PHB1: variants seen among roughly 807,000 people sequenced by gnomAD.
The protein encoded by PHB1 is epididymis luminal protein 215.
At chr17:49,411,611 G>T in the PHB1 span, 1 of 1,410,362 alleles carries the variant, frequency 7.1e-7, no homozygotes, top group Non-Finnish European at 9.9e-7. Flanking sequence ...AGATGCTCCT[G>T]TGACACAGAA....
chr17:49,406,827 T>C, the PHB1 span: 8 of 1,613,838 alleles, frequency 5.0e-6, no homozygotes, highest in Non-Finnish European at 6.8e-6. Flanking sequence ...ACCGCTTCTG[T>C]GAACTCCTTC....
At chr17:49,412,978 TC>T in the PHB1 span, 1 of 535,710 alleles carries the variant, frequency 1.9e-6, no homozygotes, top group Non-Finnish European at 3.4e-6. Context: ...GAATACAGGC[TC>T]TGAGAGAACC....
At chr17:49,406,691 G>T in the PHB1 span, 1 of 1,116,264 alleles carries the variant, frequency 9.0e-7, no homozygotes, top group Non-Finnish European at 1.4e-6. Context: ...AGGCCACCCA[G>T]CAAATGGGGA....
the PHB1 span, chr17:49,412,127 ACT>A: frequency 1.6e-5 from 5 of 306,484 alleles, no homozygotes; most frequent in African/African-American, 1.1e-4. Context: ...CTATCCCTGA[ACT>A]CCCACCAACA....
chr17:49,407,098 G>A, the PHB1 span: 2 of 497,194 alleles, frequency 4.0e-6, no homozygotes, highest in Non-Finnish European at 7.3e-6. Flanking sequence ...ACCTCATGTA[G>A]CAAATGGCAC....
chr17:49,404,824 T>C, the PHB1 span: 229 of 607,866 alleles, frequency 3.8e-4, no homozygotes, highest in Middle Eastern at 1.3e-3. Flanking sequence ...GAGTTTCATT[T>C]GATAGACTAA....
chr17:49,408,796 T>TTA, the PHB1 span: 1 of 445,792 alleles, frequency 2.2e-6, no homozygotes, highest in Non-Finnish European at 4.0e-6. Flanking sequence ...AAACATTTAG[T>TTA]GGTTAGAGAC....
At chr17:49,407,110 G>T in the PHB1 span, 3 of 461,368 alleles carry the variant, frequency 6.5e-6, no homozygotes, top group Non-Finnish European at 1.2e-5. Context: ...AAATGGCACC[G>T]GGGGCTTTTG....
the PHB1 span, chr17:49,408,985 G>A: frequency 9.5e-7 from 1 of 1,056,682 alleles, no homozygotes; most frequent in Non-Finnish European, 1.4e-6. Context: ...AATGGAGCCA[G>A]GCACCTAAAC....
At chr17:49,409,522 G>T in the PHB1 span, 7 of 1,299,082 alleles carry the variant, frequency 5.4e-6, no homozygotes, top group Non-Finnish European at 6.4e-6. Flanking sequence ...ACCACTGTAG[G>T]AAAACAAGTG....
the PHB1 span, chr17:49,409,546 T>G: frequency 9.0e-5 from 82 of 914,212 alleles, no homozygotes; most frequent in Non-Finnish European, 1.1e-4. Context: ...TTTTTTTGTT[T>G]TTTTTTTTTT....
chr17:49,404,464 T>C, the PHB1 span: 2 of 179,986 alleles, frequency 1.1e-5, no homozygotes, highest in Non-Finnish European at 1.2e-5. Context: ...ATCAGACTTA[T>C]GGTAACAGAC....
the PHB1 span, chr17:49,405,258 G>T: frequency 6.7e-7 from 1 of 1,497,378 alleles, no homozygotes; most frequent in African/African-American, 1.4e-5. Context: ...CGCATGTCAG[G>T]CTACAACCAA....
the PHB1 span, chr17:49,409,413 G>C: frequency 6.2e-7 from 1 of 1,614,194 alleles, no homozygotes; most frequent in Admixed American, 1.7e-5. Flanking sequence ...GAAGATGCGA[G>C]GAAGCTGGCT....
the PHB1 span, chr17:49,404,376 C>T: frequency 4.5e-5 from 7 of 155,236 alleles, no homozygotes; most frequent in African/African-American, 1.7e-4. Flanking sequence ...CAGGCCCACC[C>T]ACCTCAACAG....
chr17:49,409,517 T>C, the PHB1 span: 2 of 1,470,584 alleles, frequency 1.4e-6, no homozygotes, highest in Non-Finnish European at 1.9e-6. Context: ...TAAAAACCAC[T>C]GTAGGAAAAC....
At chr17:49,405,243 G>C in the PHB1 span, 7 of 1,554,432 alleles carry the variant, frequency 4.5e-6, no homozygotes, top group Admixed American at 1.2e-4. Flanking sequence ...CAAACCTCAG[G>C]GCACCGCATG....
At chr17:49,409,367 C>T in the PHB1 span, 1 of 1,614,126 alleles carries the variant, frequency 6.2e-7, no homozygotes, top group Non-Finnish European at 8.5e-7. Context: ...TGATGGACGG[C>T]AGCACACGCT....
the PHB1 span, chr17:49,404,723 G>A: frequency 4.7e-5 from 23 of 486,272 alleles, no homozygotes; most frequent in East Asian, 7.1e-4. Flanking sequence ...AGCAGGCCCC[G>A]AATTGGGACC....
Sources: gnomAD v4.1 joint callset for allele counts on GRCh38, gnomAD v4.1.1 for gene constraint, MANE v1.5 for transcripts, NCBI Gene and HGNC (gene_info 2026-07-23, HGNC 2026-07-21) for gene names.